KHDRBS2: variants seen among roughly 807,000 people sequenced by gnomAD.
KHDRBS2 encodes the protein KH RNA binding domain containing, signal transduction associated 2.
Under a neutral mutation model 44.3 loss-of-function variants are expected in KHDRBS2, and 26 were observed. The ratio of observed to expected loss-of-function variants is 0.59; its 90% CI spans 0.43 to 0.81. KHDRBS2 has a LOEUF of 0.81. Among genes scored for constraint, KHDRBS2 ranks in the 40% least tolerant of loss-of-function variants. The pLI is 0.00. For synonymous variants in KHDRBS2, 194 were observed against 151.1 expected (o/e 1.28, Z -2.08); for missense variants, 476 against 433.1 (o/e 1.10, Z -0.88).
intron 1 of KHDRBS2, among the ~76,000 whole-genome samples, chr6:62,226,519 G>C (rs577330229): frequency 4.0e-4 from 61 of 152,124 alleles, no homozygotes; most frequent in Non-Finnish European, 7.9e-4. Flanking sequence ...CTTTTGTTGT[G>C]CAGAAGATCT....
chr6:61,689,793 G>A (rs1767196679), intron 8 of KHDRBS2, among the ~76,000 whole-genome samples: 2 of 151,914 alleles, frequency 1.3e-5, no homozygotes, highest in Admixed American at 1.3e-4. Context: ...CTAAAGGTTT[G>A]ATAAGGTACC....
chr6:62,068,424 C>T (rs1393367915), intron 2 of KHDRBS2, among the ~76,000 whole-genome samples: 2 of 151,430 alleles, frequency 1.3e-5, no homozygotes, highest in African/African-American at 4.8e-5. Context: ...TTATCAGATA[C>T]ATGATTTGCT....
chr6:62,052,252 A>T (rs1030167186), intron 2 of KHDRBS2, among the ~76,000 whole-genome samples: 1 of 152,060 alleles, frequency 6.6e-6, no homozygotes, highest in Non-Finnish European at 1.5e-5. Context: ...ACTGACAGAC[A>T]AATGGATAAA....
At chr6:61,782,687 GTGTATATATATA>G (rs1415651564) in intron 6 of KHDRBS2, among the ~76,000 whole-genome samples, 1 of 22,904 alleles carries the variant, frequency 4.4e-5, no homozygotes, top group African/African-American at 1.9e-4. Context: ...TATAAAGGTT[GTGTATATATATA>G]TATATATATA....
chr6:61,739,274 G>A (rs1275728765), intron 6 of KHDRBS2, among the ~76,000 whole-genome samples: 1 of 151,786 alleles, frequency 6.6e-6, no homozygotes, highest in African/African-American at 2.4e-5. Flanking sequence ...CAATGTTATT[G>A]ATAAACATGT....
At chr6:61,993,841 T>A (rs116091378) in intron 3 of KHDRBS2, among the ~76,000 whole-genome samples, 2 of 151,892 alleles carry the variant, frequency 1.3e-5, no homozygotes, top group Admixed American at 1.3e-4. Context: ...AATAGGTTAA[T>A]GTTATCTGCA....
rs1781153106 is a variant in KHDRBS2, at chr6:61,772,679, G to A, written c.811-39915C>T. ...TTATACTTTAAGTTTTAGGGTACAT[G>A]TGCACAATGTGCACATTAGTTACAT... On this transcript the variant is annotated intron_variant, in intron 6 of 8. Coordinates refer to ENST00000281156, the MANE Select transcript of KHDRBS2 (RefSeq NM_152688.4). Among the ~76,000 whole-genome samples, 2 of 151,588 alleles carry A rather than the reference G, an allele frequency of 1.3e-5. 1 individual carries two copies. Among genetic ancestry groups the A allele is most frequent in the South Asian group, 4.2e-4 (2 of 4,804 alleles).
chr6:62,104,798 AAAT>A (rs1802765728), intron 2 of KHDRBS2, among the ~76,000 whole-genome samples: 3 of 152,238 alleles, frequency 2.0e-5, no homozygotes, highest in South Asian at 2.1e-4. Flanking sequence ...TAAATGAAAT[AAAT>A]AATAAGTTAC....
At chr6:62,025,437 C>T (rs1322471670) in intron 3 of KHDRBS2, among the ~76,000 whole-genome samples, 5 of 151,558 alleles carry the variant, frequency 3.3e-5, no homozygotes, top group African/African-American at 1.2e-4. Flanking sequence ...AGAATATACA[C>T]TATTAACTTA....
At chr6:61,597,804 G>A in the KHDRBS2 span, among the ~76,000 whole-genome samples, 1 of 107,042 alleles carries the variant, frequency 9.3e-6, no homozygotes, top group African/African-American at 3.3e-5. Flanking sequence ...GGGAAAAGAA[G>A]TGGACCAAAG....
intron 6 of KHDRBS2, among the ~76,000 whole-genome samples, chr6:61,764,320 C>T (rs59309443): frequency 0.032 from 4,871 of 152,066 alleles, 274 homozygotes; most frequent in African/African-American, 0.11. Flanking sequence ...TATAATAGAA[C>T]GATTATATTC....
chr6:61,783,290 G>GCCTGATACATCTTTACTCAT (rs1381376541), intron 6 of KHDRBS2, among the ~76,000 whole-genome samples: 5 of 151,922 alleles, frequency 3.3e-5, no homozygotes, highest in Admixed American at 3.3e-4. Context: ...TTTCTTCTTA[G>GCCTGATACATCTTTACTCAT]CCTGATACAT....
At chr6:61,942,012 G>A (rs1812234701) in intron 4 of KHDRBS2, among the ~76,000 whole-genome samples, 1 of 152,038 alleles carries the variant, frequency 6.6e-6, no homozygotes, top group South Asian at 2.1e-4. Flanking sequence ...CCAGGCTGGA[G>A]TGCAGTTGGT....
At chr6:62,139,038 T>C (rs1372017145) in intron 2 of KHDRBS2, among the ~76,000 whole-genome samples, 2 of 152,138 alleles carry the variant, frequency 1.3e-5, no homozygotes, top group Non-Finnish European at 2.9e-5. Context: ...AAATGGGTAG[T>C]GCTGAAAACA....
At chr6:62,248,053 C>T (rs547658330) in intron 1 of KHDRBS2, among the ~76,000 whole-genome samples, 1 of 152,126 alleles carries the variant, frequency 6.6e-6, no homozygotes, top group East Asian at 1.9e-4. Context: ...GGAAATGTTA[C>T]CCATAAATTA....
Position 61,848,541 on chromosome 6 carries a change from GTATATATATACATATATATATGTATA to G in KHDRBS2, c.810+46068_810+46093del, listed in dbSNP as rs1794905136. On this transcript the variant is annotated intron_variant, in intron 6 of 8. Transcript: ENST00000281156. ...TATGTATATATATATACATATATATGTATATATATACATATATATATGTATATATATATACATATATATATATATAT... is the reference window on the plus strand; with the variant it reads ...TATGTATATATATATACATATATATGTATATATACATATATATATATATAT... Among the ~76,000 whole-genome samples, 3 of 33,330 alleles carry G rather than the reference GTATATATATACATATATATATGTATA, an allele frequency of 9.0e-5. 1 individual carries two copies. Among genetic ancestry groups the G allele is most frequent in the Non-Finnish European group, 1.7e-4 (3 of 18,168 alleles). The allele number at this position is 33,330 out of a possible 152,430, so 21.9% of individuals were successfully genotyped here.
At chr6:61,709,669 T>C (rs1770168668) in intron 7 of KHDRBS2, among the ~76,000 whole-genome samples, 1 of 151,678 alleles carries the variant, frequency 6.6e-6, no homozygotes, top group Non-Finnish European at 1.5e-5. Flanking sequence ...TGTTTTATTA[T>C]GTAGAATTAT....
the KHDRBS2 span, among the ~76,000 whole-genome samples, chr6:61,608,254 ACATATATACT>A: frequency 1.1e-4 from 17 of 151,878 alleles, no homozygotes; most frequent in Non-Finnish European, 2.2e-4. Flanking sequence ...ACATATATAC[ACATATATACT>A]CACATACACA....
chr6:61,945,767 A>AT (rs1436892665), intron 4 of KHDRBS2, among the ~76,000 whole-genome samples: 1 of 151,776 alleles, frequency 6.6e-6, no homozygotes, highest in Non-Finnish European at 1.5e-5. Flanking sequence ...GCAAAAACCC[A>AT]TGAAAAAAAA....
Sources: allele counts gnomAD v4.1 joint callset (sites outside exome capture counted in the v4.1 genomes callset), GRCh38; gene constraint gnomAD v4.1.1; transcripts MANE v1.5; gene names NCBI Gene and HGNC (gene_info 2026-07-23, HGNC 2026-07-21).